GYS1: variants seen among roughly 807,000 people sequenced by gnomAD.
GYS1 encodes glycogen [starch] synthase, muscle.
GYS1 carries 60 observed loss-of-function variants against 89.1 expected under a neutral mutation model. That is an observed-to-expected ratio of 0.67 (90% CI 0.55 to 0.84). GYS1 has a LOEUF of 0.84. Ranked by LOEUF, GYS1 falls within the 40% of genes least tolerant of loss-of-function variation. The pLI is 0.00. For synonymous variants in GYS1, 366 were observed against 401.7 expected (o/e 0.91, Z 1.06); for missense variants, 888 against 1,003.1 (o/e 0.89, Z 1.55).
rs758685765 is a variant in GYS1 at position 48,969,108 on chromosome 19, C to T, written c.*180G>A. The T allele has an allele frequency of 9.4e-6, 6 of 641,700 alleles. No individual in the cohort carries two copies. The African/African-American group carries it at 1.1e-4, about 12-fold the overall frequency. The allele number at this position is 641,700 out of a possible 1,614,324, so 39.8% of individuals were successfully genotyped here. On this transcript the variant is annotated 3_prime_UTR_variant, in exon 16 of 16. Transcript: ENST00000323798. ...AGAGAAAGGCACGGCTTTGTGGATT[C>T]TGGAGTGCAGGAACTTGGAAACTGG... is the stretch of plus-strand genomic sequence containing the variant.
In GYS1 at chr19:48,991,629, A is replaced by G. The variant is rs1019466511; in HGVS notation, c.119-146T>C. 41 of 841,334 alleles carry G rather than the reference A, an allele frequency of 4.9e-5. No individual in the cohort carries two copies. Among genetic ancestry groups the G allele is most frequent in the Non-Finnish European group, 7.4e-5 (39 of 528,534 alleles). The allele number at this position is 841,334 out of a possible 1,614,324, so 52.1% of individuals were successfully genotyped here. A position where few individuals can be genotyped will look rare whatever the true frequency, so the allele number is the denominator to read the frequency against. On this transcript the variant is annotated intron_variant, in intron 1 of 15. Coordinates refer to ENST00000323798, the MANE Select transcript of GYS1 (RefSeq NM_002103.5). The surrounding 1 kb of genome is among the most constrained non-coding windows in gnomAD (Gnocchi z 4.7). ...AGGGGACTGGGAGCCCATAGTTTGG[A>G]GTAGGGGTTGGAAGCTTGGATGAGG...
chr19:48,969,199 T>C lies in GYS1; in HGVS notation c.*89A>G. 1 of 1,224,364 alleles carries C rather than the reference T, an allele frequency of 8.2e-7. No homozygotes were observed. Among genetic ancestry groups the C allele is most frequent in the Non-Finnish European group, 1.1e-6 (1 of 881,968 alleles). The allele number at this position is 1,224,364 out of a possible 1,614,324, so 75.8% of individuals were successfully genotyped here. A position where few individuals can be genotyped will look rare whatever the true frequency, so the allele number is the denominator to read the frequency against. ...ACTGCGGGGCCACACCCAGTGCAGATCTGGAGCGGGGGTTTAGGAGCAGCA... is the reference window on the plus strand; with the variant it reads ...ACTGCGGGGCCACACCCAGTGCAGACCTGGAGCGGGGGTTTAGGAGCAGCA... On this transcript the variant is annotated 3_prime_UTR_variant, in exon 16 of 16. Coordinates refer to ENST00000323798, the MANE Select transcript of GYS1 (RefSeq NM_002103.5).
chr19:48,974,482 C>A, intron 11 of GYS1, 138 bp downstream of exon 11: 1 of 1,096,972 alleles, frequency 9.1e-7, no homozygotes, highest in Non-Finnish European at 1.4e-6. Flanking sequence ...CCCAGGTCTG[C>A]CTGCCTCAGA....
Position 48,987,363 on chromosome 19 carries a change from A to C in GYS1, c.323T>G (p.Ile108Ser). 6.2e-7 allele frequency: 1 copy of C among 1,607,694 alleles called. No individual in the cohort carries two copies. The highest frequency in any genetic ancestry group is 8.5e-7 in the Non-Finnish European group (1 of 1,176,502). ...GAGCACCACCAGAGGGCCTCCCTCG[A>C]TCAGCCAGCGCCCGAAATACACCTG... is the stretch of plus-strand genomic sequence containing the variant. ...GCKVYFGRWL[I>S]EGGPLVVLLD... Residue 108 changes from isoleucine (I) to serine (S), a missense_variant, in exon 3 of 16, where the codon ATC (isoleucine) becomes AGC (serine). By Grantham distance (142) the Ile-to-Ser change is moderately radical. Transcript: ENST00000323798.
chr19:48,969,971 A>G, intron 14 of GYS1, 116 bp from the exon 15 acceptor site: 6 of 711,180 alleles, frequency 8.4e-6, no homozygotes, highest in Non-Finnish European at 1.5e-5. Context: ...TGCACCCCAT[A>G]CAAATAATCC....
chr19:48,978,176 C>T lies in GYS1; in HGVS notation c.1170-19G>A. Reference sequence around the variant, plus strand: ...CGTGTCCCTGGAGGAAGCAGAGCAACAGGGTCACATACACACCAGCTGCCA... The same window carrying T: ...CGTGTCCCTGGAGGAAGCAGAGCAATAGGGTCACATACACACCAGCTGCCA... On this transcript the variant is annotated intron_variant, in intron 8 of 15. Transcript: ENST00000323798. 6.2e-7 allele frequency: 1 copy of T among 1,605,462 alleles called. No individual in the cohort carries two copies. The highest frequency in any genetic ancestry group is 1.1e-5 in the South Asian group (1 of 90,918).
At chr19:48,982,494 G>T in intron 6 of GYS1, 119 bp from the exon 7 acceptor site, 1 of 1,101,740 alleles carries the variant, frequency 9.1e-7, no homozygotes, top group Non-Finnish European at 1.4e-6. Flanking sequence ...GTAATACAGA[G>T]GCATCACGGG....
rs1378334606 is a variant in GYS1 at position 48,970,581 on chromosome 19, G to A, written c.1774C>T (p.Leu592Phe). The change falls in exon 14 of 16, where the codon CTC becomes TTC. Residue 592 changes from leucine (L) to phenylalanine (F), a missense_variant. Leu to Phe is a conservative substitution (Grantham distance 22). Coordinates refer to ENST00000323798, the MANE Select transcript of GYS1 (RefSeq NM_002103.5). Reference sequence around the variant, plus strand: ...TATTTCCAGTCCAGAAGGTCGGAGAGGCGCTCCGTGCGGTTCCGCTGGATG... The same window carrying A: ...TATTTCCAGTCCAGAAGGTCGGAGAAGCGCTCCGTGCGGTTCCGCTGGATG... ...RIIQRNRTER[L>F]SDLLDWKYLG... is the part of the protein sequence containing the mutation. 1 of 1,613,890 alleles carries A rather than the reference G, an allele frequency of 6.2e-7. No homozygotes were observed. Among genetic ancestry groups the A allele is most frequent in the East Asian group, 2.2e-5 (1 of 44,886 alleles).
chr19:48,992,705 C>T (rs1387438405), intron 1 of GYS1, among the ~76,000 whole-genome samples: 1 of 152,124 alleles, frequency 6.6e-6, no homozygotes, highest in Admixed American at 6.6e-5. Context: ...CTGTTCAGGA[C>T]CCAGGTATCT....
rs1438320073 is a variant in GYS1, at chr19:48,968,895, G to A, written c.*393C>T. On this transcript the variant is annotated 3_prime_UTR_variant, in exon 16 of 16. Transcript: ENST00000323798. ...TGGCCCGCATGCCGGGCCTGAGCGT[G>A]GCCTGCTCTGTATGCTGTAGAATTT... 2.1e-6 allele frequency: 1 copy of A among 479,716 alleles called. No individual in the cohort carries two copies. Among genetic ancestry groups the A allele is most frequent in the South Asian group, 1.5e-5 (1 of 64,684 alleles). 29.7% of individuals were successfully genotyped at this position (479,716 alleles called of 1,614,324 possible).
At chr19:48,989,742 C>T (rs1398322779) in intron 2 of GYS1, among the ~76,000 whole-genome samples, 2 of 152,094 alleles carry the variant, frequency 1.3e-5, no homozygotes, top group Admixed American at 6.6e-5. Flanking sequence ...ACATTTCTAA[C>T]ATAGCCCATC....
chr19:48,979,646 CTTTT>C (rs56291141), intron 8 of GYS1, among the ~76,000 whole-genome samples: 44,616 of 114,610 alleles, frequency 0.39, 7,492 homozygotes, highest in Middle Eastern at 0.56. Context: ...CTCTTTCTTT[CTTTT>C]TTTTTTTTTT....
At chr19:48,985,656 T>C in intron 4 of GYS1, 51 bp from the exon 5 acceptor site, 2 of 1,605,190 alleles carry the variant, frequency 1.2e-6, no homozygotes, top group South Asian at 2.2e-5. Context: ...GAGAAGACTC[T>C]GGAGGTCCAG....
In GYS1 at chr19:48,982,669, T is replaced by G. The variant is rs376163247; in HGVS notation, c.941+51A>C. On this transcript the variant is annotated intron_variant, in intron 6 of 15. Transcript: ENST00000323798. ...GCCCCCTCCCCCAGACCTAGATGGT[T>G]AGGCTCCCAACGCCCTCCTCTCTTA... 250 of 1,303,494 alleles carry G rather than the reference T, an allele frequency of 1.9e-4. 1 individual carries two copies. The highest frequency in any genetic ancestry group is 6.1e-4 in the South Asian group (52 of 84,966). 80.7% of individuals were successfully genotyped at this position (1,303,494 alleles called of 1,614,324 possible).
intron 10 of GYS1, 25 bp from the exon 11 acceptor site, chr19:48,974,758 G>T (rs1050508012): frequency 5.9e-6 from 9 of 1,515,660 alleles, no homozygotes; most frequent in Non-Finnish European, 8.3e-6. Context: ...AGAAGGGTAA[G>T]GGGTCATGGA....
chr19:48,989,207 C>T (rs935719159), intron 2 of GYS1, among the ~76,000 whole-genome samples: 15 of 151,730 alleles, frequency 9.9e-5, no homozygotes, highest in African/African-American at 3.1e-4. Context: ...CTGGGCTGGG[C>T]GCGGTGGCTC....
chr19:48,968,149 T>C lies in GYS1; in HGVS notation c.*1139A>G. 4.4e-6 allele frequency: 2 copies of C among 451,542 alleles called. No individual in the cohort carries two copies. Among genetic ancestry groups the C allele is most frequent in the Non-Finnish European group, 8.9e-6 (2 of 225,030 alleles). 28.0% of individuals were successfully genotyped at this position (451,542 alleles called of 1,614,324 possible). A position where few individuals can be genotyped will look rare whatever the true frequency, so the allele number is the denominator to read the frequency against. ...CTGGGATTCTTAAATATAGATGTAT[T>C]TTTTTCATCTCATCTCCGGACACAC... On this transcript the variant is annotated 3_prime_UTR_variant, in exon 16 of 16. Transcript: ENST00000323798.
At position 48,969,562 on chromosome 19, in the gene GYS1, G is replaced by A; in HGVS notation, c.1940C>T (p.Ser647Leu). Residue 647 changes from serine (S) to leucine (L), a missense_variant, in exon 16 of 16, where the codon TCG becomes TTG. Physicochemically the swap from Ser to Leu is moderately radical, Grantham distance 145. Coordinates refer to ENST00000323798, the MANE Select transcript of GYS1 (RefSeq NM_002103.5). ...PRPASVPPSP[S>L]LSRHSSPHQS... ...GTGCGGGCTGGAGTGTCGTGACAGC[G>A]AGGGCGACGGTGGCACCGAGGCTGG... 1.9e-6 allele frequency: 3 copies of A among 1,539,320 alleles called. No individual in the cohort carries two copies. In the South Asian group the frequency reaches 3.6e-5, roughly 18 times the overall value.
chr19:48,993,183 G>C lies in GYS1; in HGVS notation c.-71C>G, dbSNP rs772410905. On this transcript the variant is annotated 5_prime_UTR_variant, in exon 1 of 16. Transcript: ENST00000323798. ...CCGGAGGTGTCTAGGGAATGCACCA[G>C]GTAGGGTGCGGGGCCGAGTAGCTGG... The C allele has an allele frequency of 4.6e-6, 4 of 875,724 alleles. No individual in the cohort carries two copies. Among genetic ancestry groups the C allele is most frequent in the South Asian group, 1.3e-5 (1 of 76,188 alleles). 54.2% of individuals were successfully genotyped at this position (875,724 alleles called of 1,614,324 possible). A position where few individuals can be genotyped will look rare whatever the true frequency, so the allele number is the denominator to read the frequency against.
Sources: gnomAD v4.1 joint callset for allele counts (sites outside exome capture counted in the v4.1 genomes callset) on GRCh38, gnomAD v4.1.1 for gene constraint, Gnocchi (gnomAD v3.1) non-coding constraint, MANE v1.5 for transcripts, NCBI Gene and HGNC (gene_info 2026-07-23, HGNC 2026-07-21) for gene names.